The following ARL15 variants were observed in gnomAD, a reference collection of about 807,000 sequenced individuals.
ARL15 encodes ADP-ribosylation factor-like protein 15.
Under a neutral mutation model 25.2 loss-of-function variants are expected in ARL15, and 19 were observed. That is an observed-to-expected ratio of 0.75 (90% CI 0.53 to 1.10). The LOEUF (loss-of-function observed/expected upper bound fraction) is 1.10. Among genes scored for constraint, ARL15 ranks in the 50% least tolerant of loss-of-function variants. ARL15 has a pLI of 0.00. For synonymous variants in ARL15, 94 were observed against 86.8 expected (o/e 1.08, Z -0.46); for missense variants, 220 against 246.0 (o/e 0.89, Z 0.71).
chr5:54,048,948 T>G (rs1229211280), intron 4 of ARL15, among the ~76,000 whole-genome samples: 1 of 152,114 alleles, frequency 6.6e-6, no homozygotes, highest in African/African-American at 2.4e-5. Context: ...GTCAGTCCCA[T>G]AGTGGGTACA....
intron 4 of ARL15, among the ~76,000 whole-genome samples, chr5:54,026,168 G>T (rs558336408): frequency 3.7e-4 from 56 of 152,274 alleles, no homozygotes; most frequent in African/African-American, 1.2e-3. Context: ...TTGTGTTCAA[G>T]AAATAATTAT....
intron 4 of ARL15, among the ~76,000 whole-genome samples, chr5:53,980,728 T>C (rs1427148005): frequency 6.6e-6 from 1 of 152,232 alleles, no homozygotes; most frequent in Non-Finnish European, 1.5e-5. Context: ...CATTGAATCT[T>C]ATTTCCTCAG....
At chr5:54,266,100 A>G (rs1483078186) in intron 1 of ARL15, among the ~76,000 whole-genome samples, 1 of 152,232 alleles carries the variant, frequency 6.6e-6, no homozygotes, top group Non-Finnish European at 1.5e-5. Context: ...TATGAAAGAG[A>G]AACGACTAAC....
At chr5:53,892,536 C>A (rs1336765756) in intron 4 of ARL15, among the ~76,000 whole-genome samples, 2 of 151,762 alleles carry the variant, frequency 1.3e-5, no homozygotes, top group Non-Finnish European at 2.9e-5. Flanking sequence ...TTTCAAAGAA[C>A]TATAGGAATC....
intron 1 of ARL15, among the ~76,000 whole-genome samples, chr5:54,234,210 C>T (rs1252075564): frequency 3.3e-5 from 5 of 151,816 alleles, no homozygotes; most frequent in African/African-American, 1.2e-4. Flanking sequence ...GGCCAGGTCT[C>T]GAACTCCTGG....
intron 1 of ARL15, among the ~76,000 whole-genome samples, chr5:54,205,406 C>T (rs1422605452): frequency 1.3e-5 from 2 of 152,074 alleles, no homozygotes; most frequent in African/African-American, 4.8e-5. Context: ...TTAGGGAAAA[C>T]CCATCAGGGA....
At chr5:54,175,628 C>T (rs1003542388) in intron 1 of ARL15, among the ~76,000 whole-genome samples, 3 of 151,708 alleles carry the variant, frequency 2.0e-5, no homozygotes, top group Non-Finnish European at 4.4e-5. Flanking sequence ...AGCCACCATG[C>T]CCAGCCTTCT....
In ARL15 at chr5:54,185,093, C is replaced by T. The variant is rs571136154; in HGVS notation, c.49-13165G>A. Among the ~76,000 whole-genome samples the T allele has an allele frequency of 2.0e-5, 3 of 152,230 alleles. No homozygotes were observed. The South Asian group carries it at 6.2e-4, about 32-fold the overall frequency. On this transcript the variant is annotated intron_variant, in intron 1 of 4. Transcript: ENST00000504924. ...TTATGGGGACCACAGGAAATAACGT[C>T]TATAACAGCTAAAACATGGTTTGAC... is the stretch of plus-strand genomic sequence containing the variant.
intron 3 of ARL15, among the ~76,000 whole-genome samples, chr5:54,123,938 T>C (rs1753167006): frequency 1.3e-5 from 2 of 152,202 alleles, no homozygotes; most frequent in South Asian, 2.1e-4. Context: ...ATCAATGCAC[T>C]AGCCAAAAAG....
At chr5:54,021,985 A>G (rs1749618930) in intron 4 of ARL15, among the ~76,000 whole-genome samples, 1 of 152,224 alleles carries the variant, frequency 6.6e-6, no homozygotes, top group African/African-American at 2.4e-5. Context: ...GAAATGATGC[A>G]ACATTTTCAA....
At chr5:54,266,692 A>C (rs576752935) in intron 1 of ARL15, among the ~76,000 whole-genome samples, 1 of 152,252 alleles carries the variant, frequency 6.6e-6, no homozygotes, top group Non-Finnish European at 1.5e-5. Context: ...AAATATAGTC[A>C]ATTAATCTAA....
intron 4 of ARL15, among the ~76,000 whole-genome samples, chr5:54,029,668 G>T (rs1393011771): frequency 3.9e-5 from 6 of 152,038 alleles, no homozygotes; most frequent in Non-Finnish European, 8.8e-5. Flanking sequence ...AGACTAGCTT[G>T]TGTAACACAG....
chr5:53,946,373 T>C lies in ARL15; in HGVS notation c.463-59660A>G, dbSNP rs192475497. 4.1e-3 allele frequency among the ~76,000 whole-genome samples: 607 copies of C among 148,802 alleles called. 3 individuals are homozygous for C. Among genetic ancestry groups the C allele is most frequent in the Non-Finnish European group, 6.3e-3 (426 of 67,570 alleles). ...GCTGAGGCAGGAGAACTGCTTGTAC[T>C]TGGAAGGCGGAGGTTGCAGTGAGCT... On this transcript the variant is annotated intron_variant, in intron 4 of 4. Coordinates refer to ENST00000504924, the MANE Select transcript of ARL15 (RefSeq NM_019087.3).
In ARL15 at chr5:54,304,435, C is replaced by A. The variant is rs530732839; in HGVS notation, c.48+5997G>T. Among the ~76,000 whole-genome samples the A allele has an allele frequency of 6.6e-5, 10 of 152,332 alleles. No homozygotes were observed. The East Asian group carries it at 1.7e-3, about 26-fold the overall frequency. On this transcript the variant is annotated intron_variant, in intron 1 of 4. Coordinates refer to ENST00000504924, the MANE Select transcript of ARL15 (RefSeq NM_019087.3). ...TATCTCCTCTCACCCCCGACCTGAGCACTGCCCACATGCCAACAAGCATGT... is the reference window on the plus strand; with the variant it reads ...TATCTCCTCTCACCCCCGACCTGAGAACTGCCCACATGCCAACAAGCATGT...
Position 54,292,252 on chromosome 5 carries a change from G to C in ARL15, c.48+18180C>G, listed in dbSNP as rs548036432. Among the ~76,000 whole-genome samples, 24 of 151,946 alleles carry C rather than the reference G, an allele frequency of 1.6e-4. No individual in the cohort carries two copies. In the South Asian group the frequency reaches 1.9e-3, roughly 12 times the overall value. ...TCCCTCCCTTGCTGTTGATGTTCTTGCTTCTCCAAAGATGTGCACACTGGC... is the reference window on the plus strand; with the variant it reads ...TCCCTCCCTTGCTGTTGATGTTCTTCCTTCTCCAAAGATGTGCACACTGGC... On this transcript the variant is annotated intron_variant, in intron 1 of 4. Coordinates refer to ENST00000504924, the MANE Select transcript of ARL15 (RefSeq NM_019087.3).
chr5:54,083,924 G>A (rs1400470053), intron 4 of ARL15, among the ~76,000 whole-genome samples: 1 of 152,188 alleles, frequency 6.6e-6, no homozygotes, highest in Non-Finnish European at 1.5e-5. Flanking sequence ...ATGGAGTAGG[G>A]AGGGGGCTGG....
chr5:53,912,142 T>A (rs1745484789), intron 4 of ARL15: 1 of 152,162 alleles, frequency 6.6e-6, no homozygotes, highest in Admixed American at 6.5e-5. Flanking sequence ...CTTTTAAGAT[T>A]AAAAATATAT....
At chr5:53,957,288 C>T (rs1184022539) in intron 4 of ARL15, among the ~76,000 whole-genome samples, 1 of 151,488 alleles carries the variant, frequency 6.6e-6, no homozygotes, top group Non-Finnish European at 1.5e-5. Context: ...CTATGGGGAC[C>T]AAAAAGGAGT....
chr5:53,958,632 G>A (rs892043519), intron 4 of ARL15, among the ~76,000 whole-genome samples: 1 of 152,134 alleles, frequency 6.6e-6, no homozygotes, highest in African/African-American at 2.4e-5. Flanking sequence ...GCACAATGGA[G>A]TAAAAAACAT....
Sources: allele counts gnomAD v4.1 joint callset (sites outside exome capture counted in the v4.1 genomes callset), GRCh38; gene constraint gnomAD v4.1.1; transcripts MANE v1.5; gene names NCBI Gene and HGNC (gene_info 2026-07-23, HGNC 2026-07-21).